The following C16orf95 variants were observed in gnomAD, a reference collection of about 807,000 sequenced individuals.
C16orf95 encodes the protein uncharacterized protein C16orf95.
A neutral mutation model predicts 32.1 loss-of-function variants in C16orf95; 41 were observed. That is an observed-to-expected ratio of 1.28 (90% confidence interval 1.00 to 1.66). The LOEUF is 1.66. Among genes scored for constraint, C16orf95 ranks in the 40% most tolerant of loss-of-function variants. The pLI is 0.00. For synonymous variants in C16orf95, 147 were observed against 128.9 expected (o/e 1.14, Z -0.95); for missense variants, 399 against 325.9 (o/e 1.22, Z -1.73).
chr16:87,315,198 C>A, intron 2 of C16orf95, 102 bp from the exon 3 acceptor site: 1 of 1,273,588 alleles, frequency 7.9e-7, no homozygotes, highest in South Asian at 1.5e-5. Flanking sequence ...AAGATGGTGT[C>A]CGGGGGCAGG....
At chr16:87,315,874 G>C in intron 1 of C16orf95, 51 bp from the exon 2 acceptor site, 2 of 1,402,638 alleles carry the variant, frequency 1.4e-6, no homozygotes, top group South Asian at 2.6e-5. Context: ...TAGGGGGCAG[G>C]GATGCTAGAG....
intron 4 of C16orf95, 91 bp from the exon 5 acceptor site, chr16:87,310,424 C>A: frequency 2.3e-6 from 3 of 1,285,436 alleles, no homozygotes; most frequent in Non-Finnish European, 3.3e-6. Flanking sequence ...CCAGGAGGGG[C>A]ACTGGCCAGC....
At chr16:87,304,377 T>C (rs1187344367) in intron 6 of C16orf95, among the ~76,000 whole-genome samples, 25 of 151,358 alleles carry the variant, frequency 1.7e-4, no homozygotes, top group Non-Finnish European at 3.2e-4. Flanking sequence ...AAGGCTGGGA[T>C]CCAGGTGTGG....
intron 5 of C16orf95, among the ~76,000 whole-genome samples, chr16:87,309,389 T>TTTTTTTTTTTTTTTTTTA: frequency 7.5e-6 from 1 of 132,938 alleles, no homozygotes; most frequent in African/African-American, 2.9e-5. Context: ...TTTTTTTTTT[T>TTTTTTTTTTTTTTTTTTA]TTTTTTTTTT....
chr16:87,308,977 T>TC (rs34098586), intron 5 of C16orf95, among the ~76,000 whole-genome samples: 1 of 152,246 alleles, frequency 6.6e-6, no homozygotes. Flanking sequence ...GAATGTTTTT[T>TC]CTCACAAACT....
intron 1 of C16orf95, 95 bp downstream of exon 1, chr16:87,316,996 A>G (rs1319904810): frequency 7.1e-7 from 1 of 1,399,150 alleles, no homozygotes; most frequent in African/African-American, 1.5e-5. Context: ...GGCGGTCAAG[A>G]GTTCTGCCTG....
At chr16:87,310,369 G>C (rs879268089) in intron 4 of C16orf95, 36 bp from the exon 5 acceptor site, 1 of 1,535,478 alleles carries the variant, frequency 6.5e-7, no homozygotes, top group South Asian at 1.2e-5. Context: ...AGTCAGCCTG[G>C]CGACCCTCCA....
chr16:87,311,783 T>G (rs924842842), intron 3 of C16orf95, among the ~76,000 whole-genome samples: 1 of 152,260 alleles, frequency 6.6e-6, no homozygotes, highest in African/African-American at 2.4e-5. Context: ...ATGAGGATAC[T>G]TTCACATCTG....
At position 87,317,244 on chromosome 16, in the gene C16orf95, T is replaced by C. The variant is rs1904391295; in HGVS notation, c.-2A>G. ...CGGTGGGGACCGGCTCGCACGCATA[T>C]GGCTTCTTATGGCTGACGCGCCCTT... On this transcript the variant is annotated 5_prime_UTR_variant, in exon 1 of 7. Transcript: ENST00000567970. The C allele has an allele frequency of 3.3e-6, 5 of 1,516,302 alleles. No homozygotes were observed. The highest frequency in any genetic ancestry group is 2.6e-6 in the Non-Finnish European group (3 of 1,136,416). The allele number at this position is 1,516,302 out of a possible 1,614,324, so 93.9% of individuals were successfully genotyped here. A position where few individuals can be genotyped will look rare whatever the true frequency, so the allele number is the denominator to read the frequency against.
intron 5 of C16orf95, among the ~76,000 whole-genome samples, chr16:87,307,732 T>C (rs1911090109): frequency 6.6e-6 from 1 of 152,184 alleles, no homozygotes; most frequent in African/African-American, 2.4e-5. Context: ...CACTCCAGCC[T>C]GGGTGACAGA....
intron 5 of C16orf95, among the ~76,000 whole-genome samples, chr16:87,307,578 G>GTAAAACC (rs1336977397): frequency 6.6e-6 from 1 of 152,102 alleles, no homozygotes; most frequent in African/African-American, 2.4e-5. Flanking sequence ...GGCCAACATG[G>GTAAAACC]TAAAACCCAT....
At chr16:87,303,441 C>A (rs1342391362) in intron 6 of C16orf95, 2 of 229,910 alleles carry the variant, frequency 8.7e-6, no homozygotes, top group Non-Finnish European at 1.8e-5. Flanking sequence ...CCCCCCACCC[C>A]CGGCTGCTGT....
chr16:87,303,242 G>A (rs1910846506), intron 6 of C16orf95, 167 bp from the exon 7 acceptor site: 3 of 672,494 alleles, frequency 4.5e-6, no homozygotes, highest in African/African-American at 1.8e-5. Flanking sequence ...TGAGGGGTGG[G>A]GTGCAGTCCT....
chr16:87,310,146 T>C, intron 5 of C16orf95, 151 bp downstream of exon 5: 1 of 793,288 alleles, frequency 1.3e-6, no homozygotes, highest in Admixed American at 2.1e-5. Flanking sequence ...GGGATGGCTG[T>C]TGAGCAGGGG....
chr16:87,308,492 A>C (rs1179912826), intron 5 of C16orf95, among the ~76,000 whole-genome samples: 1 of 80,286 alleles, frequency 1.2e-5, no homozygotes, highest in Non-Finnish European at 4.1e-5. Flanking sequence ...ATAAATAAAT[A>C]AATAAATAAA....
At chr16:87,317,049 G>A in intron 1 of C16orf95, 42 bp downstream of exon 1, 2 of 1,469,666 alleles carry the variant, frequency 1.4e-6, no homozygotes, top group Non-Finnish European at 1.8e-6. Flanking sequence ...ACTCACAGGC[G>A]AGGTGTCGGG....
At chr16:87,315,125 G>A (rs1400355850) in intron 2 of C16orf95, 29 bp from the exon 3 acceptor site, 1 of 1,533,986 alleles carries the variant, frequency 6.5e-7, no homozygotes, top group Non-Finnish European at 8.7e-7. Flanking sequence ...TGACAGAACT[G>A]AGCTTGATGC....
At chr16:87,311,373 C>A in intron 3 of C16orf95, 77 bp from the exon 4 acceptor site, 2 of 1,402,674 alleles carry the variant, frequency 1.4e-6, no homozygotes, top group Admixed American at 2.2e-5. Context: ...CTGATGGAGC[C>A]ATCCCCCAGA....
chr16:87,316,463 G>C (rs1904339472), intron 1 of C16orf95, among the ~76,000 whole-genome samples: 1 of 152,200 alleles, frequency 6.6e-6, no homozygotes, highest in South Asian at 2.1e-4. Context: ...AACCGTAAGA[G>C]CGATATAAGT....
Sources: allele counts gnomAD v4.1 joint callset (sites outside exome capture counted in the v4.1 genomes callset), GRCh38; gene constraint gnomAD v4.1.1; transcripts MANE v1.5; gene names NCBI Gene and HGNC (gene_info 2026-07-23, HGNC 2026-07-21).